The following TRIM41 variants were observed in gnomAD, a reference collection of about 807,000 sequenced individuals.
TRIM41 encodes tripartite motif containing 41, also known as E3 ubiquitin-protein ligase TRIM41.
A neutral mutation model predicts 60.6 loss-of-function variants in TRIM41; 21 were observed. The observed-to-expected ratio is 0.35, with a 90% confidence interval of 0.25 to 0.50. The LOEUF (loss-of-function observed/expected upper bound fraction) is 0.50. Among genes scored for constraint, TRIM41 ranks in the 20% least tolerant of loss-of-function variants. TRIM41 has a pLI of 0.98. For synonymous variants in TRIM41, 407 were observed against 344.9 expected, an observed-to-expected ratio of 1.18 and a Z score of -2.00; for missense variants, 846 against 868.3, an observed-to-expected ratio of 0.97 and a Z score of 0.32.
chr5:181,233,312 G>T lies in TRIM41; in HGVS notation c.1141-101G>T, dbSNP rs1223796392. On this transcript the variant is annotated intron_variant, in intron 3 of 5. Coordinates refer to ENST00000315073, the MANE Select transcript of TRIM41 (RefSeq NM_033549.5). The surrounding 1 kb of genome is among the most constrained non-coding windows in gnomAD (Gnocchi z 4.1). ...GTGCTGCTTCTCCCTTCCTGCTCAG[G>T]TTCAGTCTCTGACTGGAGATCGGGG... 1.6e-6 allele frequency: 2 copies of T among 1,249,548 alleles called. No individual in the cohort carries two copies. The highest frequency in any genetic ancestry group is 1.5e-5 in the African/African-American group (1 of 66,920). 77.4% of individuals were successfully genotyped at this position (1,249,548 alleles called of 1,614,324 possible).
In TRIM41 at chr5:181,234,199, G is replaced by A. The variant is rs755315391; in HGVS notation, c.1317G>A (p.Thr439=). ...TGGACCTGACGCTGGACCCTGACAC[G>A]GCTCACCCGGCCCTGATGCTGTCCC... ...ARVDLTLDPD[T]AHPALMLSPD... The change falls in exon 6 of 6, where the codon ACG becomes ACA. Residue 439 remains threonine, a synonymous_variant. Coordinates refer to ENST00000315073, the MANE Select transcript of TRIM41 (RefSeq NM_033549.5). The surrounding 1 kb of genome is among the most constrained non-coding windows in gnomAD (Gnocchi z 5.6). 1.4e-5 allele frequency: 23 copies of A among 1,612,404 alleles called. 1 individual carries two copies. Among genetic ancestry groups the A allele is most frequent in the South Asian group, 4.4e-5 (4 of 91,080 alleles).
chr5:181,229,360 T>G (rs1385209910), intron 1 of TRIM41: 1 of 152,278 alleles, frequency 6.6e-6, no homozygotes, highest in Non-Finnish European at 1.5e-5. Context: ...CACTTCCCTC[T>G]GGTCCTGACT....
In TRIM41 at chr5:181,233,588, C is replaced by T; in HGVS notation, c.1164-48C>T. The T allele has an allele frequency of 1.9e-6, 3 of 1,611,448 alleles. No homozygotes were observed. The South Asian group carries it at 3.3e-5, about 18-fold the overall frequency. Reference sequence around the variant, plus strand: ...CCTTCCCCTCAGCTTTTGCTTTTCCCTCTGGGAATATCGTGGTCCCACCCC... The same window carrying T: ...CCTTCCCCTCAGCTTTTGCTTTTCCTTCTGGGAATATCGTGGTCCCACCCC... On this transcript the variant is annotated intron_variant, in intron 4 of 5. Transcript: ENST00000315073. The surrounding 1 kb of genome is among the most constrained non-coding windows in gnomAD (Gnocchi z 4.1).
Position 181,234,844 on chromosome 5 carries a change from GT to G in TRIM41, c.*72del, listed in dbSNP as rs1350174934. 18 of 1,608,308 alleles carry G rather than the reference GT, an allele frequency of 1.1e-5. No individual in the cohort carries two copies. In the South Asian group the frequency reaches 2.0e-4, roughly 18 times the overall value. On this transcript the variant is annotated 3_prime_UTR_variant, in exon 6 of 6. Transcript: ENST00000315073. This position sits in a 1 kb window ranked among gnomAD's most constrained non-coding sequence, Gnocchi z 5.6. ...GTGGGTGGTGGAGGGTGGCCCGTAAGTTTGAGGGCTCAAAGGCTCTTCCCAC... is the reference window on the plus strand; with the variant it reads ...GTGGGTGGTGGAGGGTGGCCCGTAAGTTGAGGGCTCAAAGGCTCTTCCCAC...
intron 1 of TRIM41, 90 bp downstream of exon 1, chr5:181,224,902 A>C (rs1657422356): frequency 4.5e-6 from 7 of 1,561,002 alleles, no homozygotes; most frequent in Non-Finnish European, 6.1e-6. Flanking sequence ...CTCTTCACCC[A>C]CCAAAGAACC....
chr5:181,223,858 A>C lies in TRIM41; in HGVS notation c.-142A>C. The C allele has an allele frequency of 1.3e-6, 1 of 798,432 alleles. No homozygotes were observed. Among genetic ancestry groups the C allele is most frequent in the East Asian group, 2.7e-5 (1 of 37,388 alleles). 49.5% of individuals were successfully genotyped at this position (798,432 alleles called of 1,614,324 possible). ...CACTGTGTTGGGGTGGGTTGTCGGC[A>C]GGACATCTCTCTGGCTGCTCTTGGG... On this transcript the variant is annotated 5_prime_UTR_variant, in exon 1 of 6. Transcript: ENST00000315073.
chr5:181,223,367 C>T lies in TRIM41; in HGVS notation c.-633C>T. 1 of 400,440 alleles carries T rather than the reference C, an allele frequency of 2.5e-6. No homozygotes were observed. Among genetic ancestry groups the T allele is most frequent in the Non-Finnish European group, 4.4e-6 (1 of 227,296 alleles). The allele number at this position is 400,440 out of a possible 1,614,324, so 24.8% of individuals were successfully genotyped here. Reference sequence around the variant, plus strand: ...GCGTCTGGCCGATGCGGTGATAGCACCGAAAGCAGACGGCCGCCAGGCGCT... The same window carrying T: ...GCGTCTGGCCGATGCGGTGATAGCATCGAAAGCAGACGGCCGCCAGGCGCT... On this transcript the variant is annotated 5_prime_UTR_variant, in exon 1 of 6. Transcript: ENST00000315073.
At position 181,233,810 on chromosome 5, in the gene TRIM41, A is replaced by G. The variant is rs759271303; in HGVS notation, c.1291+47A>G. ...CCTTCCTTTGCCTTTCCCTTCACAG[A>G]CCTGAGACTGGGTCCTGAGGGAAGT... On this transcript the variant is annotated intron_variant, in intron 5 of 5. Transcript: ENST00000315073. The surrounding 1 kb of genome is among the most constrained non-coding windows in gnomAD (Gnocchi z 4.1). 17 of 1,613,868 alleles carry G rather than the reference A, an allele frequency of 1.1e-5. No individual in the cohort carries two copies. The South Asian group carries it at 1.8e-4, about 17-fold the overall frequency.
In TRIM41 at chr5:181,223,630, T is replaced by C. The variant is rs1039747499; in HGVS notation, c.-370T>C. 4.7e-5 allele frequency: 22 copies of C among 472,498 alleles called. 2 individuals are homozygous for C. In the South Asian group the frequency reaches 9.8e-4, roughly 21 times the overall value. The allele number at this position is 472,498 out of a possible 1,614,324, so 29.3% of individuals were successfully genotyped here. ...AGCGGAGGGAAGTCGCGAGCTTAGG[T>C]GGTGTGTAGACGCCGGAAGTGTTGG... is the stretch of plus-strand genomic sequence containing the variant. On this transcript the variant is annotated 5_prime_UTR_variant, in exon 1 of 6. Transcript: ENST00000315073.
chr5:181,232,809 G>T lies in TRIM41; in HGVS notation c.1060G>T (p.Ala354Ser). Reference protein sequence around the residue: ...GRAGAAASRLAEQAAQLSRLL... With the variant: ...GRAGAAASRLSEQAAQLSRLL... ...TGCGGGAGCCGCGGCTAGTCGCCTTGCAGAACAGGCCGCCCAGCTCAGCCG... is the reference window on the plus strand; with the variant it reads ...TGCGGGAGCCGCGGCTAGTCGCCTTTCAGAACAGGCCGCCCAGCTCAGCCG... Residue 354 changes from alanine to serine, a missense_variant, in exon 3 of 6, where the codon GCA (alanine) becomes TCA (serine). Transcript: ENST00000315073. 1 of 1,594,630 alleles carries T rather than the reference G, an allele frequency of 6.3e-7. No homozygotes were observed. The highest frequency in any genetic ancestry group is 8.5e-7 in the Non-Finnish European group (1 of 1,171,988).
At chr5:181,231,315 C>G (rs1028701655) in intron 2 of TRIM41, 2 of 155,714 alleles carry the variant, frequency 1.3e-5, no homozygotes, top group African/African-American at 4.8e-5. Flanking sequence ...CTGCAGAGAC[C>G]TAATATTTCC....
intron 1 of TRIM41, chr5:181,229,602 C>T (rs1758704680): frequency 6.6e-6 from 1 of 152,208 alleles, no homozygotes; most frequent in African/African-American, 2.4e-5. Context: ...TGTCCTTTGC[C>T]ATTTAGCAAG....
At position 181,235,550 on chromosome 5, in the gene TRIM41, T is replaced by A; in HGVS notation, c.*775T>A. On this transcript the variant is annotated 3_prime_UTR_variant, in exon 6 of 6. Coordinates refer to ENST00000315073, the MANE Select transcript of TRIM41 (RefSeq NM_033549.5). ...CCAGGTCTGCTCACTGCCAGGCTCC[T>A]CTCCCCTTTGTTCAGTGGAGCTGGC... The A allele has an allele frequency of 8.1e-6, 8 of 990,156 alleles. No homozygotes were observed. The highest frequency in any genetic ancestry group is 1.2e-5 in the Non-Finnish European group (8 of 665,436). 61.3% of individuals were successfully genotyped at this position (990,156 alleles called of 1,614,324 possible).
At chr5:181,231,958 T>C (rs1758820075) in intron 2 of TRIM41, 1 of 152,166 alleles carries the variant, frequency 6.6e-6, no homozygotes, top group South Asian at 2.1e-4. Context: ...CTACATAATA[T>C]CCTTGATTTT....
intron 2 of TRIM41, 185 bp from the exon 3 acceptor site, chr5:181,232,474 T>G (rs936709593): frequency 3.3e-6 from 2 of 598,478 alleles, no homozygotes; most frequent in Admixed American, 3.4e-5. Flanking sequence ...TTGAGACCAC[T>G]GTGCTGGGAG....
At chr5:181,232,539 T>C in intron 2 of TRIM41, 120 bp from the exon 3 acceptor site, 1 of 924,868 alleles carries the variant, frequency 1.1e-6, no homozygotes, top group Non-Finnish European at 1.6e-6. Context: ...TCCGGGACTA[T>C]CTTGGACCTG....
chr5:181,233,752 A>G lies in TRIM41; in HGVS notation c.1280A>G (p.Gln427Arg), dbSNP rs779325439. ...IVRKMSRMFC[Q>R]AARVDLTLDP... Reference sequence around the variant, plus strand: ...AGGAAAATGAGCCGGATGTTCTGTCAGGCTGCGAGAGGTAGGGAGGTCACC... The same window carrying G: ...AGGAAAATGAGCCGGATGTTCTGTCGGGCTGCGAGAGGTAGGGAGGTCACC... The change falls in exon 5 of 6, where the codon CAG becomes CGG. Residue 427 changes from glutamine (Q) to arginine (R), a missense_variant. Physicochemically the swap from Gln to Arg is conservative, Grantham distance 43. Transcript: ENST00000315073. The surrounding 1 kb of genome is among the most constrained non-coding windows in gnomAD (Gnocchi z 4.1). The G allele has an allele frequency of 6.2e-7, 1 of 1,614,178 alleles. No individual in the cohort carries two copies. Among genetic ancestry groups the G allele is most frequent in the Admixed American group, 1.7e-5 (1 of 60,028 alleles).
In TRIM41 at chr5:181,233,822, GT is replaced by G. The variant is rs1163546131; in HGVS notation, c.1291+60del. ...TTTCCCTTCACAGACCTGAGACTGG[GT>G]CCTGAGGGAAGTTGGGCCCCAGGGA... On this transcript the variant is annotated intron_variant, in intron 5 of 5. Transcript: ENST00000315073. This position sits in a 1 kb window ranked among gnomAD's most constrained non-coding sequence, Gnocchi z 4.1. 1.2e-6 allele frequency: 2 copies of G among 1,612,618 alleles called. No individual in the cohort carries two copies. The highest frequency in any genetic ancestry group is 1.7e-6 in the Non-Finnish European group (2 of 1,178,922).
At chr5:181,229,951 G>C (rs13158204) in intron 1 of TRIM41, 1 of 152,514 alleles carries the variant, frequency 6.6e-6, no homozygotes, top group Non-Finnish European at 1.5e-5. Flanking sequence ...GTTGAGTGTA[G>C]AGGTGAGGCT....
Sources: allele counts gnomAD v4.1 joint callset, GRCh38; gene constraint gnomAD v4.1.1; non-coding constraint Gnocchi (gnomAD v3.1); transcripts MANE v1.5; gene names NCBI Gene and HGNC (gene_info 2026-07-23, HGNC 2026-07-21).